The following FGD5 variants were observed in gnomAD, a reference collection of about 807,000 sequenced individuals.
FGD5 encodes the protein FYVE, RhoGEF and PH domain containing 5.
Under a neutral mutation model 133.4 loss-of-function variants are expected in FGD5, and 28 were observed. That is an observed-to-expected ratio of 0.21 (90% confidence interval 0.16 to 0.29). The LOEUF (loss-of-function observed/expected upper bound fraction) is 0.29, where lower values mean the gene tolerates loss of function less well. Among genes scored for constraint, FGD5 ranks in the 10% least tolerant of loss-of-function variants. The probability of loss-of-function intolerance (pLI) is 1.00; values close to 1 mark genes in which losing one functional copy is unlikely to be tolerated. For synonymous variants in FGD5, 810 were observed against 776.5 expected (o/e 1.04, Z -0.72); for missense variants, 1,858 against 1,895.2 (o/e 0.98, Z 0.36).
intron 4 of FGD5, among the ~76,000 whole-genome samples, chr3:14,894,592 T>C (rs973968431): frequency 4.6e-5 from 7 of 150,958 alleles, no homozygotes; most frequent in Admixed American, 1.3e-4. Context: ...CATGGCTCAC[T>C]GCAGGATTGA....
At chr3:14,812,517 C>G (rs1472374678) in intron 1 of FGD5, among the ~76,000 whole-genome samples, 1 of 152,150 alleles carries the variant, frequency 6.6e-6, no homozygotes, top group Non-Finnish European at 1.5e-5. Context: ...AGGTTTGGTC[C>G]CAGGAAATCT....
In FGD5 at chr3:14,934,227, A is replaced by C. The variant is rs1244592328; in HGVS notation, c.*1060A>C. On this transcript the variant is annotated 3_prime_UTR_variant, in exon 20 of 20. Coordinates refer to ENST00000285046, the MANE Select transcript of FGD5 (RefSeq NM_152536.4). ...GGCTCTGGGAACAGCGAGGGAGCAC[A>C]GAAGTCGTGGCCTGAGGCTGTTCTA... The C allele has an allele frequency of 6.6e-6, 1 of 152,238 alleles. No homozygotes were observed. Among genetic ancestry groups the C allele is most frequent in the Non-Finnish European group, 1.5e-5 (1 of 68,036 alleles). 9.4% of individuals were successfully genotyped at this position (152,238 alleles called of 1,614,324 possible). A position where few individuals can be genotyped will look rare whatever the true frequency, so the allele number is the denominator to read the frequency against.
In FGD5 at chr3:14,820,929, G is replaced by C. The variant is rs774790486; in HGVS notation, c.1858G>C (p.Asp620His). 3 of 1,613,508 alleles carry C rather than the reference G, an allele frequency of 1.9e-6. No individual in the cohort carries two copies. Among genetic ancestry groups the C allele is most frequent in the South Asian group, 2.2e-5 (2 of 91,050 alleles). ...CATGGTCGACATCCCACCTCCTTTC[G>C]ACCTGGCCTGCATCACCAAGAAGCC... ...SSMVDIPPPF[D>H]LACITKKPIT... Residue 620 changes from aspartate (D) to histidine (H), a missense_variant, in exon 1 of 20, where the codon GAC becomes CAC. Physicochemically the swap from Asp to His is moderately conservative, Grantham distance 81 (BLOSUM62 -1). Coordinates refer to ENST00000285046, the MANE Select transcript of FGD5 (RefSeq NM_152536.4).
chr3:14,902,305 A>T (rs1231497534), intron 9 of FGD5, among the ~76,000 whole-genome samples: 3 of 143,866 alleles, frequency 2.1e-5, no homozygotes, highest in Non-Finnish European at 3.0e-5. Flanking sequence ...AAAAAAGTTG[A>T]CCTGGAGGTG....
chr3:14,827,574 T>C (rs1346078514), intron 1 of FGD5, among the ~76,000 whole-genome samples: 1 of 152,120 alleles, frequency 6.6e-6, no homozygotes, highest in East Asian at 1.9e-4. Context: ...ACCCCCAAAG[T>C]GTTAACATTG....
chr3:14,924,535 T>C (rs571527390), intron 17 of FGD5, among the ~76,000 whole-genome samples: 80 of 152,272 alleles, frequency 5.3e-4, no homozygotes, highest in African/African-American at 1.5e-3. Flanking sequence ...CTGGAGGCCA[T>C]GGGCTCCGCA....
intron 2 of FGD5, among the ~76,000 whole-genome samples, chr3:14,873,785 G>T (rs370945815): frequency 6.6e-6 from 1 of 150,388 alleles, no homozygotes; most frequent in African/African-American, 2.5e-5. Flanking sequence ...GTAGTGGCAC[G>T]ATCTTGGCTC....
At chr3:14,857,960 G>C (rs935789790) in intron 1 of FGD5, among the ~76,000 whole-genome samples, 1 of 151,912 alleles carries the variant, frequency 6.6e-6, no homozygotes, top group African/African-American at 2.4e-5. Flanking sequence ...GACACGGAGA[G>C]ATTAAGAAAC....
At chr3:14,872,004 C>T (rs78171024) in intron 2 of FGD5, among the ~76,000 whole-genome samples, 1,834 of 152,250 alleles carry the variant, frequency 0.012, 17 homozygotes, top group Non-Finnish European at 0.021. Context: ...CCATACTTGC[C>T]GAACCCAGAT....
At chr3:14,930,073 G>T (rs1401363860) in intron 18 of FGD5, among the ~76,000 whole-genome samples, 1 of 152,144 alleles carries the variant, frequency 6.6e-6, no homozygotes, top group Non-Finnish European at 1.5e-5. Context: ...TGGATATCCA[G>T]TTGTTCCAGC....
chr3:14,864,041 C>T (rs1263048329), intron 1 of FGD5, 87 bp from the exon 2 acceptor site: 12 of 1,550,264 alleles, frequency 7.7e-6, no homozygotes, highest in Non-Finnish European at 1.1e-5. Flanking sequence ...TTTTCTGTCC[C>T]CATGGCATGA....
At chr3:14,927,931 A>T (rs1421252534) in intron 18 of FGD5, among the ~76,000 whole-genome samples, 3 of 138,512 alleles carry the variant, frequency 2.2e-5, no homozygotes, top group Non-Finnish European at 4.7e-5. Context: ...GGCCTAGCTA[A>T]TTTTTTTTTT....
At chr3:14,931,602 C>T (rs2038900137) in intron 18 of FGD5, 1 of 152,262 alleles carries the variant, frequency 6.6e-6, no homozygotes, top group East Asian at 1.9e-4. Context: ...TGTTTATGAA[C>T]ATGTATGTTT....
intron 1 of FGD5, among the ~76,000 whole-genome samples, chr3:14,859,901 A>G (rs953918948): frequency 2.6e-5 from 4 of 152,210 alleles, no homozygotes; most frequent in Non-Finnish European, 2.9e-5. Context: ...AAAAAGGGAA[A>G]GAAACTTAGA....
intron 4 of FGD5, among the ~76,000 whole-genome samples, chr3:14,894,318 T>G (rs893086331): frequency 6.6e-6 from 1 of 152,200 alleles, no homozygotes; most frequent in Admixed American, 6.5e-5. Context: ...ACTATTCCAT[T>G]GTGTATATAT....
upstream of FGD5, among the ~76,000 whole-genome samples, chr3:14,813,967 ATC>A (rs1446600984): frequency 7.2e-5 from 11 of 152,120 alleles, no homozygotes; most frequent in Admixed American, 7.2e-4. Flanking sequence ...GCTGTTAAAA[ATC>A]TCTTCCTCCT....
chr3:14,926,022 G>C (rs1294426523), intron 17 of FGD5, 48 bp from the exon 18 acceptor site: 1 of 1,607,632 alleles, frequency 6.2e-7, no homozygotes, highest in African/African-American at 1.3e-5. Flanking sequence ...TGTTTGAACT[G>C]TGCCTGACCA....
At chr3:14,906,850 C>T (rs547251849) in intron 9 of FGD5, among the ~76,000 whole-genome samples, 153 of 152,338 alleles carry the variant, frequency 1.0e-3, no homozygotes, top group African/African-American at 3.7e-3. Flanking sequence ...CCCCAGCTCT[C>T]CCACAGGCTG....
intron 1 of FGD5, among the ~76,000 whole-genome samples, chr3:14,844,270 AT>A (rs2037000190): frequency 1.1e-5 from 1 of 93,292 alleles, no homozygotes; most frequent in African/African-American, 4.1e-5. Context: ...ATATATATAT[AT>A]AATGCAGGTT....
Sources: gnomAD v4.1 joint callset for allele counts (sites outside exome capture counted in the v4.1 genomes callset) on GRCh38, gnomAD v4.1.1 for gene constraint, MANE v1.5 for transcripts, NCBI Gene and HGNC (gene_info 2026-07-23, HGNC 2026-07-21) for gene names.